The following RGS6 variants were observed in gnomAD, a reference collection of about 807,000 sequenced individuals.
RGS6 encodes the protein regulator of G protein signaling 6.
RGS6 carries 30 observed loss-of-function variants against 78.5 expected under a neutral mutation model. The observed-to-expected ratio is 0.38, with a 90% CI of 0.29 to 0.52. The LOEUF (loss-of-function observed/expected upper bound fraction) is 0.52, where lower values mean the gene tolerates loss of function less well. RGS6 is among the 20% of genes least tolerant of loss of function. The pLI is 0.85. For synonymous variants in RGS6, 206 were observed against 206.0 expected, an observed-to-expected ratio of 1.00 and a Z score of 0.00; for missense variants, 495 against 609.7, an observed-to-expected ratio of 0.81 and a Z score of 1.98.
At chr14:72,456,747 C>A (rs2095640740) in intron 4 of RGS6, among the ~76,000 whole-genome samples, 1 of 152,106 alleles carries the variant, frequency 6.6e-6, no homozygotes, top group Non-Finnish European at 1.5e-5. Context: ...AACTTCTGTT[C>A]TAGCTGGACT....
chr14:71,971,195 G>T (rs891945733), intron 2 of RGS6, among the ~76,000 whole-genome samples: 4 of 152,162 alleles, frequency 2.6e-5, no homozygotes, highest in Admixed American at 2.6e-4. Flanking sequence ...CAACTCCTTT[G>T]CATGCTGCTG....
At chr14:72,570,532 G>A (rs564412370), downstream of RGS6, among the ~76,000 whole-genome samples, 7 of 152,350 alleles carry the variant, frequency 4.6e-5, no homozygotes, top group South Asian at 8.3e-4. Flanking sequence ...AGAGTGAGGC[G>A]TTATCTATTC....
chr14:72,364,756 A>G (rs370078720), intron 3 of RGS6, among the ~76,000 whole-genome samples: 1 of 152,234 alleles, frequency 6.6e-6, no homozygotes, highest in African/African-American at 2.4e-5. Context: ...AGTGATTTCA[A>G]TGGAAGAAGG....
At chr14:71,999,182 C>CT (rs2082917396) in intron 2 of RGS6, among the ~76,000 whole-genome samples, 1 of 152,190 alleles carries the variant, frequency 6.6e-6, no homozygotes, top group African/African-American at 2.4e-5. Flanking sequence ...ATCGTAGGTT[C>CT]TTTTTTACAG....
intron 2 of RGS6, among the ~76,000 whole-genome samples, chr14:71,982,870 A>C (rs962608101): frequency 1.3e-5 from 2 of 152,178 alleles, no homozygotes; most frequent in Non-Finnish European, 2.9e-5. Flanking sequence ...GGTGTTTCTG[A>C]AACATCTAGT....
intron 2 of RGS6, among the ~76,000 whole-genome samples, chr14:72,232,773 A>G (rs1169823455): frequency 6.6e-6 from 1 of 152,142 alleles, no homozygotes; most frequent in Non-Finnish European, 1.5e-5. Context: ...AAGTCAGGAA[A>G]GGAGGGTAGA....
chr14:71,934,434 G>T (rs923608264), intron 1 of RGS6, among the ~76,000 whole-genome samples: 3 of 152,064 alleles, frequency 2.0e-5, no homozygotes, highest in African/African-American at 7.2e-5. Context: ...ATTTATTCTG[G>T]CAGATCTTAA....
chr14:71,945,440 C>G (rs2091362733), intron 1 of RGS6, among the ~76,000 whole-genome samples: 1 of 152,080 alleles, frequency 6.6e-6, no homozygotes, highest in East Asian at 1.9e-4. Context: ...ACTCAATAGA[C>G]CAGTTAGGTA....
chr14:72,623,361 A>G, the RGS6 span, among the ~76,000 whole-genome samples: 1 of 152,250 alleles, frequency 6.6e-6, no homozygotes, highest in East Asian at 1.9e-4. Flanking sequence ...TTGGTTATGT[A>G]TCCAATTGGT....
intron 3 of RGS6, among the ~76,000 whole-genome samples, chr14:72,444,097 G>A (rs1415602707): frequency 6.6e-6 from 1 of 152,122 alleles, no homozygotes; most frequent in Non-Finnish European, 1.5e-5. Context: ...ACATCCTCTT[G>A]CAAATCATGT....
At chr14:72,586,568 A>G in the RGS6 span, among the ~76,000 whole-genome samples, 3 of 152,284 alleles carry the variant, frequency 2.0e-5, no homozygotes, top group African/African-American at 4.8e-5. Context: ...AGCAATGTGA[A>G]TGGAGTAAGA....
intron 2 of RGS6, among the ~76,000 whole-genome samples, chr14:72,238,606 G>A (rs1388199141): frequency 6.6e-6 from 1 of 152,062 alleles, no homozygotes; most frequent in South Asian, 2.1e-4. Flanking sequence ...TGTTTTCTCA[G>A]TGTGTATATA....
At chr14:72,271,013 G>A (rs1476399967) in intron 2 of RGS6, among the ~76,000 whole-genome samples, 1 of 152,168 alleles carries the variant, frequency 6.6e-6, no homozygotes, top group Non-Finnish European at 1.5e-5. Context: ...GCAAATTGTG[G>A]TCTTGAAACC....
chr14:72,418,188 C>A (rs2093957462), intron 3 of RGS6, among the ~76,000 whole-genome samples: 1 of 149,982 alleles, frequency 6.7e-6, no homozygotes, highest in Non-Finnish European at 1.5e-5. Flanking sequence ...TTTTTTTGAG[C>A]CTGAATCTCA....
At chr14:72,548,099 C>A (rs1282279107) in intron 17 of RGS6, among the ~76,000 whole-genome samples, 2 of 152,064 alleles carry the variant, frequency 1.3e-5, no homozygotes, top group African/African-American at 4.8e-5. Flanking sequence ...ATTAATCCGT[C>A]TATGTCCGCT....
intron 1 of RGS6, among the ~76,000 whole-genome samples, chr14:71,953,900 C>G (rs1227204617): frequency 7.0e-6 from 1 of 143,602 alleles, no homozygotes; most frequent in Admixed American, 7.1e-5. Flanking sequence ...TTTTGCTTGT[C>G]TGTGAAAGTC....
chr14:72,229,625 G>A (rs1186521949), intron 2 of RGS6, among the ~76,000 whole-genome samples: 1 of 152,166 alleles, frequency 6.6e-6, no homozygotes, highest in African/African-American at 2.4e-5. Context: ...TGGGAAATTT[G>A]TTTCTATAAT....
intron 1 of RGS6, among the ~76,000 whole-genome samples, chr14:71,939,412 A>G (rs1003445821): frequency 3.3e-5 from 5 of 152,204 alleles, no homozygotes; most frequent in African/African-American, 1.2e-4. Flanking sequence ...GCATAACGTC[A>G]ATGTAATGGA....
intron 13 of RGS6, 116 bp from the exon 14 acceptor site, chr14:72,510,038 T>G: frequency 1.4e-3 from 1,667 of 1,156,136 alleles, no homozygotes; most frequent in Non-Finnish European, 1.8e-3. Context: ...CCCTTAAATA[T>G]GAGATGTTTC....
Sources: allele counts gnomAD v4.1 joint callset (sites outside exome capture counted in the v4.1 genomes callset), GRCh38; gene constraint gnomAD v4.1.1; transcripts MANE v1.5; gene names NCBI Gene and HGNC (gene_info 2026-07-23, HGNC 2026-07-21).